Variants in METTL5 observed in about 807,000 individuals in gnomAD.
The protein encoded by METTL5 is rRNA N(6)-adenosine-methyltransferase METTL5.
Under a neutral mutation model 26.5 loss-of-function variants are expected in METTL5, and 28 were observed. That is an observed-to-expected ratio of 1.06 (90% CI 0.78 to 1.45). METTL5 has a LOEUF of 1.45. METTL5 is among the 40% of genes most tolerant of loss of function. The pLI is 0.00. For missense variants in METTL5, 231 were observed against 249.9 expected (o/e 0.92, Z 0.51); for synonymous variants, 86 against 82.6 (o/e 1.04, Z -0.22).
intron 5 of METTL5, 139 bp downstream of exon 5, chr2:169,815,338 C>A (rs2081488485): frequency 1.6e-6 from 1 of 611,888 alleles, no homozygotes; most frequent in East Asian, 2.7e-5. Context: ...TGCTTTTACT[C>A]CATTTCCAAT....
At chr2:169,822,461 A>G (rs1252974828) in intron 1 of METTL5, among the ~76,000 whole-genome samples, 1 of 152,230 alleles carries the variant, frequency 6.6e-6, no homozygotes, top group Non-Finnish European at 1.5e-5. Context: ...TTTTAAAAAA[A>G]TCCTTTTTTG....
chr2:169,816,079 G>A (rs894948729), intron 4 of METTL5, among the ~76,000 whole-genome samples: 2 of 152,092 alleles, frequency 1.3e-5, no homozygotes, highest in Non-Finnish European at 2.9e-5. Context: ...GCATTAGTCA[G>A]AACATATCCC....
In METTL5 at chr2:169,822,033, T is replaced by C. The variant is rs775635502; in HGVS notation, c.134A>G (p.Asn45Ser). ...TTTATTTTCAATGTCATCATAAGTG[T>C]TATGGATTGTATAGAGCATACATGC... Reference protein sequence around the residue: ...IAACMLYTIHNTYDDIENKVV... With the variant: ...IAACMLYTIHSTYDDIENKVV... Residue 45 changes from asparagine to serine, a missense_variant, in exon 2 of 7, where the codon AAC becomes AGC. Asn to Ser is a conservative substitution (Grantham distance 46, BLOSUM62 1). Coordinates refer to ENST00000260953, the MANE Select transcript of METTL5 (RefSeq NM_014168.4). The C allele has an allele frequency of 5.6e-6, 9 of 1,611,694 alleles. No individual in the cohort carries two copies. The highest frequency in any genetic ancestry group is 7.6e-6 in the Non-Finnish European group (9 of 1,179,870).
At position 169,822,075 on chromosome 2, in the gene METTL5, A is replaced by G; in HGVS notation, c.110-18T>C. ...CATACATGCTAAAAAATAAAAAAAA[A>G]AAGAATAAGTAAGCAAGCCGGTGAC... On this transcript the variant is annotated intron_variant, in intron 1 of 6. Coordinates refer to ENST00000260953, the MANE Select transcript of METTL5 (RefSeq NM_014168.4). 6.3e-7 allele frequency: 1 copy of G among 1,581,844 alleles called. No individual in the cohort carries two copies. Among genetic ancestry groups the G allele is most frequent in the Non-Finnish European group, 8.5e-7 (1 of 1,173,272 alleles).
At chr2:169,821,479 C>G (rs754431060) in intron 2 of METTL5, among the ~76,000 whole-genome samples, 1 of 151,724 alleles carries the variant, frequency 6.6e-6, no homozygotes, top group Non-Finnish European at 1.5e-5. Flanking sequence ...CCATCTTGCA[C>G]TGCTCAAGCA....
At chr2:169,817,334 G>A (rs1573969586) in intron 4 of METTL5, among the ~76,000 whole-genome samples, 1 of 152,102 alleles carries the variant, frequency 6.6e-6, no homozygotes. Context: ...ACACTGTTAG[G>A]AGTGTAAATT....
chr2:169,813,556 A>G (rs570462477), intron 5 of METTL5, among the ~76,000 whole-genome samples: 3 of 151,912 alleles, frequency 2.0e-5, no homozygotes, highest in Admixed American at 6.6e-5. Flanking sequence ...TCCGTACTGC[A>G]TATAATACCT....
intron 4 of METTL5, among the ~76,000 whole-genome samples, chr2:169,817,765 G>T (rs945387505): frequency 2.0e-5 from 3 of 151,662 alleles, no homozygotes; most frequent in East Asian, 1.9e-4. Flanking sequence ...GGGCCTGTTG[G>T]GGGGTGGGGG....
At chr2:169,823,944 T>C (rs1335116271) in intron 1 of METTL5, among the ~76,000 whole-genome samples, 1 of 152,222 alleles carries the variant, frequency 6.6e-6, no homozygotes, top group African/African-American at 2.4e-5. Context: ...GAAGCAACAA[T>C]GCTAATGCTC....
At chr2:169,812,434 C>A (rs762635141) in intron 6 of METTL5, 23 bp downstream of exon 6, 1 of 1,613,772 alleles carries the variant, frequency 6.2e-7, no homozygotes, top group Non-Finnish European at 8.5e-7. Context: ...CGAATGTAGA[C>A]CAGCCAAAAT....
Position 169,824,628 on chromosome 2 carries a change from G to C in METTL5, c.-31C>G. ...TTTAAAGTATGGACTCGTAGGGTTT[G>C]AAGGCACAGGATCTGCGGAGAAATC... On this transcript the variant is annotated 5_prime_UTR_variant, in exon 1 of 7. Transcript: ENST00000260953. The C allele has an allele frequency of 6.7e-7, 1 of 1,490,448 alleles. No homozygotes were observed. Among genetic ancestry groups the C allele is most frequent in the Non-Finnish European group, 9.4e-7 (1 of 1,067,226 alleles). 92.3% of individuals were successfully genotyped at this position (1,490,448 alleles called of 1,614,324 possible).
intron 1 of METTL5, among the ~76,000 whole-genome samples, chr2:169,822,992 T>A (rs184425318): frequency 6.6e-6 from 1 of 152,170 alleles, no homozygotes; most frequent in Admixed American, 6.5e-5. Flanking sequence ...AGTTTTTTGT[T>A]GTTTTTTTTC....
At chr2:169,817,581 C>G (rs2081526221) in intron 4 of METTL5, among the ~76,000 whole-genome samples, 1 of 152,096 alleles carries the variant, frequency 6.6e-6, no homozygotes, top group Admixed American at 6.5e-5. Flanking sequence ...CACATATACA[C>G]CATGGAATAC....
At chr2:169,822,151 C>A in intron 1 of METTL5, 94 bp from the exon 2 acceptor site, 2 of 1,466,516 alleles carry the variant, frequency 1.4e-6, no homozygotes, top group Non-Finnish European at 1.8e-6. Context: ...TCTTGTGTTG[C>A]ATTACTTAGT....
intron 6 of METTL5, 63 bp from the exon 7 acceptor site, chr2:169,811,921 C>T: frequency 6.5e-7 from 1 of 1,536,806 alleles, no homozygotes; most frequent in South Asian, 1.2e-5. Flanking sequence ...AATGAGATTT[C>T]TTTGAATGTA....
chr2:169,814,435 C>A (rs1456372981), intron 5 of METTL5, among the ~76,000 whole-genome samples: 1 of 104,144 alleles, frequency 9.6e-6, no homozygotes, highest in East Asian at 3.4e-4. Flanking sequence ...TGCCACTGCA[C>A]TCCAGCCTGG....
intron 2 of METTL5, 55 bp from the exon 3 acceptor site, chr2:169,821,328 C>T: frequency 2.3e-6 from 2 of 869,362 alleles, no homozygotes; most frequent in Non-Finnish European, 3.0e-6. Context: ...CAAGTAAAAA[C>T]AAAACCAAAA....
At chr2:169,815,349 CTA>C (rs1214059439) in intron 5 of METTL5, 126 bp downstream of exon 5, 3 of 635,034 alleles carry the variant, frequency 4.7e-6, no homozygotes, top group Non-Finnish European at 8.5e-6. Flanking sequence ...CATTTCCAAT[CTA>C]TTACCAATCA....
Position 169,817,618 on chromosome 2 carries a change from C to G in METTL5, c.489+1943G>C, listed in dbSNP as rs1016686663. Among the ~76,000 whole-genome samples the G allele has an allele frequency of 3.2e-4, 48 of 151,836 alleles. 1 individual carries two copies. The highest frequency in any genetic ancestry group is 1.3e-3 in the Admixed American group (19 of 15,200). ...ATGCAGCCATAAAAAAGGATGAGTT[C>G]ATGGGATGAAGCTGGAAACCATCAT... On this transcript the variant is annotated intron_variant, in intron 4 of 6. Coordinates refer to ENST00000260953, the MANE Select transcript of METTL5 (RefSeq NM_014168.4).
Sources: gnomAD v4.1 joint callset for allele counts (sites outside exome capture counted in the v4.1 genomes callset) on GRCh38, gnomAD v4.1.1 for gene constraint, MANE v1.5 for transcripts, NCBI Gene and HGNC (gene_info 2026-07-23, HGNC 2026-07-21) for gene names.